ADRA1B: variants seen among roughly 807,000 people sequenced by gnomAD.
The protein encoded by ADRA1B is alpha-1B adrenergic receptor.
Under a neutral mutation model 17.9 loss-of-function variants are expected in ADRA1B, and 17 were observed. The ratio of observed to expected loss-of-function variants is 0.95; its 90% CI spans 0.65 to 1.42. The LOEUF is 1.42. Among genes scored for constraint, ADRA1B ranks in the 40% most tolerant of loss-of-function variants. The probability of loss-of-function intolerance (pLI) is 0.00; values close to 1 mark genes in which losing one functional copy is unlikely to be tolerated. For synonymous variants in ADRA1B, 366 were observed against 327.6 expected, an observed-to-expected ratio of 1.12 and a Z score of -1.27; for missense variants, 681 against 722.1, an observed-to-expected ratio of 0.94 and a Z score of 0.65.
At chr5:159,883,682 T>A (rs1326644254) in intron 1 of ADRA1B, among the ~76,000 whole-genome samples, 1 of 152,206 alleles carries the variant, frequency 6.6e-6, no homozygotes, top group Non-Finnish European at 1.5e-5. Context: ...TGTCCAAAGT[T>A]ACTTCAAGCT....
At chr5:159,915,549 G>A (rs1177329982), upstream of ADRA1B, among the ~76,000 whole-genome samples, 1 of 152,106 alleles carries the variant, frequency 6.6e-6, no homozygotes, top group African/African-American at 2.4e-5. Context: ...ATATCAGACA[G>A]AAAGGAAAAA....
intron 1 of ADRA1B, among the ~76,000 whole-genome samples, chr5:159,942,182 A>T (rs1007857189): frequency 4.6e-5 from 7 of 152,014 alleles, no homozygotes; most frequent in Non-Finnish European, 1.0e-4. Flanking sequence ...TCGGCCTCCC[A>T]AAGTGCTGGG....
chr5:159,911,284 A>G lies in ADRA1B; in HGVS notation c.-255-4835A>G, dbSNP rs568639634. Among the ~76,000 whole-genome samples the G allele has an allele frequency of 9.2e-5, 14 of 152,328 alleles. No individual in the cohort carries two copies. In the South Asian group the frequency reaches 1.7e-3, roughly 18 times the overall value. On this transcript the variant is annotated intron_variant, in intron 1 of 2. Coordinates refer to the ADRA1B transcript ENST00000641205. ...CCTTCACCCTCGATTCTGTAGCAGC[A>G]TGGGTGGGTTTTGGCAGCCTGTTTA...
chr5:159,972,910 G>T lies in ADRA1B; in HGVS notation c.*418G>T, dbSNP rs1755913722. ...GGAGGCAACCGGGGGCGTTGTGTGT[G>T]TCGTGACTTCGTACCTCTCAAGCCC... On this transcript the variant is annotated 3_prime_UTR_variant, in exon 2 of 2. Transcript: ENST00000306675. 6.6e-6 allele frequency among the ~76,000 whole-genome samples: 1 copy of T among 152,224 alleles called. No homozygotes were observed. Among genetic ancestry groups the T allele is most frequent in the Admixed American group, 6.5e-5 (1 of 15,292 alleles).
At chr5:159,866,240 A>G (rs920520851) in intron 1 of ADRA1B, among the ~76,000 whole-genome samples, 1 of 151,380 alleles carries the variant, frequency 6.6e-6, no homozygotes, top group African/African-American at 2.4e-5. Flanking sequence ...CGGGAGGTCA[A>G]CGCTGCAGTG....
chr5:159,950,915 C>A (rs1235727604), intron 1 of ADRA1B: 7 of 566,296 alleles, frequency 1.2e-5, no homozygotes, highest in Non-Finnish European at 2.0e-5. Flanking sequence ...GCCGTCGCAC[C>A]ACAGTTTCCC....
At chr5:159,947,076 C>T (rs1755293049) in intron 1 of ADRA1B, among the ~76,000 whole-genome samples, 1 of 152,158 alleles carries the variant, frequency 6.6e-6, no homozygotes, top group Non-Finnish European at 1.5e-5. Context: ...TGCGGTGGCT[C>T]ACATCTGTAA....
rs1483764033 is a variant in ADRA1B, at chr5:159,923,083, G to A, written c.949+5229G>A. On this transcript the variant is annotated intron_variant, in intron 1 of 1. Transcript: ENST00000306675. ...AAGAAAAGTGTGGGCAGGAGGAGGG[G>A]CACACTTGAAAGTCCTGAGGCCAGA... 4.6e-5 allele frequency among the ~76,000 whole-genome samples: 7 copies of A among 152,394 alleles called. No individual in the cohort carries two copies. In the East Asian group the frequency reaches 1.2e-3, roughly 25 times the overall value.
At chr5:159,943,531 G>A (rs999378514) in intron 1 of ADRA1B, among the ~76,000 whole-genome samples, 10 of 151,940 alleles carry the variant, frequency 6.6e-5, no homozygotes, top group Admixed American at 6.6e-5. Flanking sequence ...ATTAAAGATC[G>A]TTAGTCTAAT....
downstream of ADRA1B, among the ~76,000 whole-genome samples, chr5:159,976,687 G>A (rs1003858883): frequency 1.3e-5 from 2 of 150,988 alleles, no homozygotes; most frequent in South Asian, 2.1e-4. Context: ...GCATGAAGAC[G>A]CGTTACTTAA....
intron 1 of ADRA1B, among the ~76,000 whole-genome samples, chr5:159,881,664 G>A (rs1008197634): frequency 1.3e-5 from 2 of 152,130 alleles, no homozygotes; most frequent in Non-Finnish European, 2.9e-5. Context: ...GCAAGGATTC[G>A]AAGGCTGTCT....
chr5:159,897,183 T>C (rs531714433), intron 1 of ADRA1B, among the ~76,000 whole-genome samples: 2 of 152,266 alleles, frequency 1.3e-5, no homozygotes, highest in South Asian at 4.1e-4. Flanking sequence ...CTAACTAACC[T>C]GGCTATGCTT....
intron 1 of ADRA1B, among the ~76,000 whole-genome samples, chr5:159,947,456 A>G (rs1283588231): frequency 6.6e-6 from 1 of 152,224 alleles, no homozygotes; most frequent in African/African-American, 2.4e-5. Flanking sequence ...GTCTGCCACC[A>G]AATCCCATGC....
At chr5:159,946,339 T>G (rs1230324224) in intron 1 of ADRA1B, among the ~76,000 whole-genome samples, 1 of 152,214 alleles carries the variant, frequency 6.6e-6, no homozygotes, top group Non-Finnish European at 1.5e-5. Context: ...TTAAATAAAC[T>G]TTTTATTGAA....
chr5:159,922,958 A>C (rs1324546357), intron 1 of ADRA1B, among the ~76,000 whole-genome samples: 1 of 152,238 alleles, frequency 6.6e-6, no homozygotes, highest in Admixed American at 6.5e-5. Context: ...TAGAATTCTA[A>C]AACAGGGGTT....
intron 1 of ADRA1B, among the ~76,000 whole-genome samples, chr5:159,903,746 C>G (rs1403287154): frequency 6.6e-6 from 1 of 152,166 alleles, no homozygotes; most frequent in Non-Finnish European, 1.5e-5. Flanking sequence ...TGGCTCCAAA[C>G]CTCACATCCC....
intron 1 of ADRA1B, chr5:159,950,507 C>T (rs1755404777): frequency 5.3e-6 from 8 of 1,509,228 alleles, no homozygotes; most frequent in Non-Finnish European, 7.3e-6. Flanking sequence ...TCCTTGGAGG[C>T]TATGTGGGCC....
chr5:159,963,288 G>GTATATATA (rs10522262), intron 1 of ADRA1B, among the ~76,000 whole-genome samples: 5,389 of 132,624 alleles, frequency 0.041, 195 homozygotes, highest in Non-Finnish European at 0.058. Context: ...AACAAAAAAA[G>GTATATATA]TATATATATA....
intron 1 of ADRA1B, among the ~76,000 whole-genome samples, chr5:159,908,964 T>C (rs1236396147): frequency 1.3e-5 from 2 of 152,108 alleles, no homozygotes; most frequent in African/African-American, 2.4e-5. Context: ...ATCTCCCCCA[T>C]TCCCCGAGCA....
Sources: allele counts gnomAD v4.1 joint callset (sites outside exome capture counted in the v4.1 genomes callset), GRCh38; gene constraint gnomAD v4.1.1; transcripts MANE v1.5; gene names NCBI Gene and HGNC (gene_info 2026-07-23, HGNC 2026-07-21).